Variants in CSF2RB observed in about 807,000 individuals in gnomAD.
CSF2RB encodes colony stimulating factor 2 receptor subunit beta, also known as cytokine receptor common subunit beta.
In CSF2RB, 22 loss-of-function variants were observed where a neutral mutation model predicts 67.2. That is an observed-to-expected ratio of 0.33 (90% CI 0.23 to 0.47). The LOEUF (loss-of-function observed/expected upper bound fraction) is 0.47. Among genes scored for constraint, CSF2RB ranks in the 20% least tolerant of loss-of-function variants. The probability of loss-of-function intolerance (pLI) is 1.00; values close to 1 mark genes in which losing one functional copy is unlikely to be tolerated. For missense variants in CSF2RB, 1,113 were observed against 1,174.5 expected, an observed-to-expected ratio of 0.95 and a Z score of 0.76; for synonymous variants, 507 against 482.9, an observed-to-expected ratio of 1.05 and a Z score of -0.65.
chr22:36,919,700 C>T (rs9607395), intron 1 of CSF2RB, among the ~76,000 whole-genome samples: 66,931 of 151,802 alleles, frequency 0.44, 16,731 homozygotes, highest in Admixed American at 0.58. Flanking sequence ...CGTGAGCCAC[C>T]GCGCCCAGGC....
rs1801115 is a variant in CSF2RB, at chr22:36,937,748, G to A, written c.1940G>A (p.Gly647Glu). ...VQLVPLAQAMGPGQAVEVERR... is the reference protein window; with the variant it reads ...VQLVPLAQAMEPGQAVEVERR... ...CTGGTCCCTCTGGCCCAGGCGATGG[G>A]ACCAGGACAGGCCGTGGAAGTGGAG... The change falls in exon 14 of 14, where the codon GGA becomes GAA. Residue 647 changes from glycine (G) to glutamate (E), a missense_variant. Gly to Glu is a moderately conservative substitution (Grantham distance 98). This residue lies in a region of CSF2RB where 554 missense variants were observed against 517.9 expected (regional missense o/e 1.07). Coordinates refer to ENST00000403662, the MANE Select transcript of CSF2RB (RefSeq NM_000395.3). This position sits in a 1 kb window ranked among gnomAD's most constrained non-coding sequence, Gnocchi z 4.6. 6.4e-7 allele frequency: 1 copy of A among 1,567,896 alleles called. No homozygotes were observed. Among genetic ancestry groups the A allele is most frequent in the Non-Finnish European group, 8.7e-7 (1 of 1,156,040 alleles).
chr22:36,926,201 G>A (rs746247362), intron 4 of CSF2RB, 24 bp downstream of exon 4: 16 of 1,611,782 alleles, frequency 9.9e-6, no homozygotes, highest in South Asian at 2.2e-5. Flanking sequence ...GGCCCTGCCC[G>A]GGGCTTGGTT....
rs1460730716 is a variant in CSF2RB, at chr22:36,923,305, G to A, written c.138G>A (p.Arg46=). The change falls in exon 3 of 14, where the codon AGG becomes AGA. Residue 46 remains arginine (R), a synonymous_variant. Coordinates refer to ENST00000403662, the MANE Select transcript of CSF2RB (RefSeq NM_000395.3). The stretch of plus-strand genomic sequence containing the variant: ...ACTACACCAGCCACATCACCTGCAG[G>A]TGGGCAGACACCCAGGATGCCCAGC... ...YNDYTSHITC[R]WADTQDAQRL... is the part of the protein sequence containing the mutation. 4 of 1,614,218 alleles carry A rather than the reference G, an allele frequency of 2.5e-6. No individual in the cohort carries two copies. The highest frequency in any genetic ancestry group is 1.1e-5 in the South Asian group (1 of 91,090).
At chr22:36,922,488 G>A (rs1940901431) in intron 2 of CSF2RB, 4 of 609,876 alleles carry the variant, frequency 6.6e-6, no homozygotes, top group Admixed American at 2.6e-5. Flanking sequence ...AAGTCCAGCT[G>A]AGCGTGTCTG....
In CSF2RB at chr22:36,930,527, T is replaced by A. The variant is rs771081852; in HGVS notation, c.854+17T>A. The A allele has an allele frequency of 1.9e-6, 3 of 1,612,748 alleles. No homozygotes were observed. Among genetic ancestry groups the A allele is most frequent in the Non-Finnish European group, 2.5e-6 (3 of 1,179,976 alleles). ...AGATGCAGGGTGAGCATCTTTTTTC[T>A]CCATCCCCTCCCCTCCTCTTGGCCT... On this transcript the variant is annotated intron_variant, in intron 7 of 13. Transcript: ENST00000403662.
At chr22:36,917,344 AATTTGT>A (rs1940744372) in intron 1 of CSF2RB, among the ~76,000 whole-genome samples, 1 of 152,082 alleles carries the variant, frequency 6.6e-6, no homozygotes, top group African/African-American at 2.4e-5. Flanking sequence ...GTCTGGAGTG[AATTTGT>A]ATTTTGCTTT....
rs560850852 is a variant in CSF2RB, at chr22:36,922,052, G to A, written c.-156G>A. 1.3e-5 allele frequency: 9 copies of A among 669,198 alleles called. No homozygotes were observed. Among genetic ancestry groups the A allele is most frequent in the South Asian group, 1.2e-4 (7 of 59,752 alleles). 41.5% of individuals were successfully genotyped at this position (669,198 alleles called of 1,614,324 possible). The stretch of plus-strand genomic sequence containing the variant: ...CTTCTGCAGGCCTGGAGGAGGCAGA[G>A]GCCAGGAGGGAGAGGTCCCAAGAGC... On this transcript the variant is annotated 5_prime_UTR_variant, in exon 2 of 14. Transcript: ENST00000403662.
At chr22:36,915,692 A>G (rs1005941224) in intron 1 of CSF2RB, among the ~76,000 whole-genome samples, 4 of 152,232 alleles carry the variant, frequency 2.6e-5, no homozygotes, top group African/African-American at 9.6e-5. Flanking sequence ...GTTAGAAATT[A>G]TAATAGGTAT....
At position 36,926,108 on chromosome 22, in the gene CSF2RB, G is replaced by A. The variant is rs1941010730; in HGVS notation, c.322G>A (p.Val108Ile). 3 of 1,614,206 alleles carry A rather than the reference G, an allele frequency of 1.9e-6. No homozygotes were observed. The highest frequency in any genetic ancestry group is 1.3e-5 in the African/African-American group (1 of 75,056). ...IPCQSFVVTD[V>I]DYFSFQPDRP... is the part of the protein sequence containing the mutation. ...CTGCCAGAGTTTTGTCGTCACTGAC[G>A]TTGACTACTTCTCATTCCAACCAGA... The change falls in exon 4 of 14, where the codon GTT (valine) becomes ATT (isoleucine). Residue 108 changes from valine (V) to isoleucine (I), a missense_variant. By Grantham distance (29) the Val-to-Ile change is conservative. This residue lies in a region of CSF2RB where 559 missense variants were observed against 656.5 expected (regional missense o/e 0.85). Coordinates refer to ENST00000403662, the MANE Select transcript of CSF2RB (RefSeq NM_000395.3).
At chr22:36,917,501 T>TCCCTTTTCTCTC (rs1276347471) in intron 1 of CSF2RB, among the ~76,000 whole-genome samples, 4 of 152,214 alleles carry the variant, frequency 2.6e-5, no homozygotes, top group African/African-American at 9.7e-5. Flanking sequence ...GTTTTTCTCT[T>TCCCTTTTCTCTC]CTCTTTTCTC....
Position 36,930,417 on chromosome 22 carries a change from G to A in CSF2RB, c.761G>A (p.Gly254Glu), listed in dbSNP as rs1300899671. ...QPQNLECFFD[G>E]AAVLSCSWEV... ...CAGAACCTGGAGTGCTTCTTTGACG[G>A]GGCCGCCGTGCTCAGCTGCTCCTGG... Residue 254 changes from glycine (G) to glutamate (E), a missense_variant, in exon 7 of 14, where the codon GGG (glycine) becomes GAG (glutamate). Transcript: ENST00000403662. 7 of 1,613,548 alleles carry A rather than the reference G, an allele frequency of 4.3e-6. No individual in the cohort carries two copies. The highest frequency in any genetic ancestry group is 5.9e-6 in the Non-Finnish European group (7 of 1,180,040).
rs1447233114 is a variant in CSF2RB at position 36,922,104 on chromosome 22, C to T, written c.-104C>T. On this transcript the variant is annotated 5_prime_UTR_variant, in exon 2 of 14. Coordinates refer to ENST00000403662, the MANE Select transcript of CSF2RB (RefSeq NM_000395.3). ...TGTGAAATGGGTCTGGCCTGGCTCC[C>T]AGCTGGGCAGGAACACAGGACTTCA... The T allele has an allele frequency of 1.8e-6, 2 of 1,119,014 alleles. No individual in the cohort carries two copies. Among genetic ancestry groups the T allele is most frequent in the African/African-American group, 1.5e-5 (1 of 64,790 alleles). 69.3% of individuals were successfully genotyped at this position (1,119,014 alleles called of 1,614,324 possible). A position where few individuals can be genotyped will look rare whatever the true frequency, so the allele number is the denominator to read the frequency against.
rs562384873 is a variant in CSF2RB, at chr22:36,916,700, A to G, written c.-173+3023A>G. 3.9e-5 allele frequency among the ~76,000 whole-genome samples: 6 copies of G among 152,246 alleles called. No individual in the cohort carries two copies. In the South Asian group the frequency reaches 1.0e-3, roughly 26 times the overall value. ...CGGTGAAACCCCATGTCTACTAAAA[A>G]TACGAAAAATTAGCCGGGTTTGGTG... On this transcript the variant is annotated intron_variant, in intron 1 of 13. Coordinates refer to ENST00000403662, the MANE Select transcript of CSF2RB (RefSeq NM_000395.3).
At chr22:36,926,252 G>C (rs1941015267) in intron 4 of CSF2RB, 75 bp downstream of exon 4, 54 of 1,458,292 alleles carry the variant, frequency 3.7e-5, no homozygotes, top group Non-Finnish European at 5.1e-5. Context: ...GGTCCAGGGA[G>C]TCTTCAAGGC....
At position 36,929,930 on chromosome 22, in the gene CSF2RB, C is replaced by T. The variant is rs116245380; in HGVS notation, c.718+123C>T. The T allele has an allele frequency of 7.6e-4, 1,000 of 1,308,082 alleles. 9 individuals are homozygous for T. The African/African-American group carries it at 0.013, about 17-fold the overall frequency. 81.0% of individuals were successfully genotyped at this position (1,308,082 alleles called of 1,614,324 possible). ...TCCCAGATCTCCTGCTGCCATCTTT[C>T]CAGTAGCGTCCCTGGGCCGTCCCAC... On this transcript the variant is annotated intron_variant, in intron 6 of 13. Coordinates refer to ENST00000403662, the MANE Select transcript of CSF2RB (RefSeq NM_000395.3).
rs945914931 is a variant in CSF2RB at position 36,939,115 on chromosome 22, G to T, written c.*613G>T. 3 of 702,250 alleles carry T rather than the reference G, an allele frequency of 4.3e-6. No homozygotes were observed. The highest frequency in any genetic ancestry group is 5.2e-6 in the Non-Finnish European group (2 of 384,716). The allele number at this position is 702,250 out of a possible 1,614,324, so 43.5% of individuals were successfully genotyped here. On this transcript the variant is annotated 3_prime_UTR_variant, in exon 14 of 14. Coordinates refer to ENST00000403662, the MANE Select transcript of CSF2RB (RefSeq NM_000395.3). ...GCCTCGATTGTCACTCCGAGAAATG[G>T]GCATGGTATTGGGGGTCGGGGGGGC...
At position 36,939,260 on chromosome 22, in the gene CSF2RB, C is replaced by G. The variant is rs776833190; in HGVS notation, c.*758C>G. ...ACCCCACGTCATGTAGAGAAGTTAACGGCCCAAGTGGTGGGCAGGCTGGCG... is the reference window on the plus strand; with the variant it reads ...ACCCCACGTCATGTAGAGAAGTTAAGGGCCCAAGTGGTGGGCAGGCTGGCG... On this transcript the variant is annotated 3_prime_UTR_variant, in exon 14 of 14. Transcript: ENST00000403662. 1 of 702,080 alleles carries G rather than the reference C, an allele frequency of 1.4e-6. No homozygotes were observed. Among genetic ancestry groups the G allele is most frequent in the African/African-American group, 1.7e-5 (1 of 57,238 alleles). 43.5% of individuals were successfully genotyped at this position (702,080 alleles called of 1,614,324 possible).
intron 1 of CSF2RB, among the ~76,000 whole-genome samples, chr22:36,915,681 C>T (rs1214859753): frequency 6.6e-6 from 1 of 152,044 alleles, no homozygotes; most frequent in Non-Finnish European, 1.5e-5. Flanking sequence ...AGAGGTTGTG[C>T]GTTAGAAATT....
In CSF2RB at chr22:36,932,434, CA is replaced by C. The variant is rs55664200; in HGVS notation, c.1013-311del. On this transcript the variant is annotated intron_variant, in intron 8 of 13. Coordinates refer to ENST00000403662, the MANE Select transcript of CSF2RB (RefSeq NM_000395.3). ...TGGGCAACAGAGTGAGACTCCGTCT[CA>C]AAAAAAAAAAAAAAAAAAATAGCCA... 0.048 allele frequency among the ~76,000 whole-genome samples: 5,151 copies of C among 107,258 alleles called. 68 individuals carry two copies. Among genetic ancestry groups the C allele is most frequent in the African/African-American group, 0.057 (1,566 of 27,284 alleles). 70.4% of individuals were successfully genotyped at this position (107,258 alleles called of 152,430 possible). A position where few individuals can be genotyped will look rare whatever the true frequency, so the allele number is the denominator to read the frequency against.
Sources: gnomAD v4.1 joint callset for allele counts (sites outside exome capture counted in the v4.1 genomes callset) on GRCh38, gnomAD v4.1.1 for gene constraint, gnomAD v4.1.1 regional missense constraint, Gnocchi (gnomAD v3.1) non-coding constraint, MANE v1.5 for transcripts, NCBI Gene and HGNC (gene_info 2026-07-23, HGNC 2026-07-21) for gene names.